The following ZNF347 variants were observed in gnomAD, a reference collection of about 807,000 sequenced individuals.
ZNF347 encodes the protein zinc finger protein 347.
In ZNF347, 19 loss-of-function variants were observed where a neutral mutation model predicts 12.9. That is an observed-to-expected ratio of 1.47 (90% CI 1.03 to 2.16). The LOEUF (loss-of-function observed/expected upper bound fraction) is 2.16, where lower values mean the gene tolerates loss of function less well. Among genes scored for constraint, ZNF347 ranks in the 30% most tolerant of loss-of-function variants. ZNF347 has a pLI of 0.00. For missense variants in ZNF347, 1,005 were observed against 990.6 expected (o/e 1.01, Z -0.19); for synonymous variants, 328 against 340.6 (o/e 0.96, Z 0.41).
chr19:53,156,228 G>A (rs1364102437), intron 1 of ZNF347, among the ~76,000 whole-genome samples: 1 of 152,022 alleles, frequency 6.6e-6, no homozygotes, highest in Non-Finnish European at 1.5e-5. Context: ...GCAAAACCTC[G>A]TCTCTACTAA....
chr19:53,145,286 T>C (rs112173546), intron 4 of ZNF347, among the ~76,000 whole-genome samples: 1,196 of 57,940 alleles, frequency 0.021, 21 homozygotes, highest in African/African-American at 0.068. Flanking sequence ...CAAGAGTCTG[T>C]CTAGAAAAAA....
In ZNF347 at chr19:53,140,182, G is replaced by T; in HGVS notation, c.*126C>A. On this transcript the variant is annotated 3_prime_UTR_variant, in exon 5 of 5. Coordinates refer to ENST00000334197, the MANE Select transcript of ZNF347 (RefSeq NM_032584.3). ...CCCAAAGTGTTGGGATTACAGGCAT[G>T]AGCCACTGCACCCAGCCAGTCATTG... 1 of 975,768 alleles carries T rather than the reference G, an allele frequency of 1.0e-6. No homozygotes were observed. The highest frequency in any genetic ancestry group is 1.5e-6 in the Non-Finnish European group (1 of 660,994). The allele number at this position is 975,768 out of a possible 1,614,324, so 60.4% of individuals were successfully genotyped here.
At chr19:53,152,030 T>C (rs954746755) in intron 2 of ZNF347, among the ~76,000 whole-genome samples, 6 of 144,566 alleles carry the variant, frequency 4.2e-5, no homozygotes, top group South Asian at 2.1e-4. Flanking sequence ...GAGGCAGAGA[T>C]TGCAGTGAGC....
intron 4 of ZNF347, among the ~76,000 whole-genome samples, chr19:53,144,731 C>A (rs990257249): frequency 1.3e-5 from 2 of 152,074 alleles, no homozygotes; most frequent in African/African-American, 4.8e-5. Context: ...GAACTTCTGG[C>A]CTTAAGCATT....
chr19:53,140,311 T>A lies in ZNF347; in HGVS notation c.2517A>T (p.Ser839=), dbSNP rs150797299. ...TCATTTGTAAGGTTTCTCTCCACTA[T>A]GAATTCTGTGATGGCTTGCAAGGTT... ...EFKPCKPSQN[S] The change falls in exon 5 of 5, where the codon TCA becomes TCT. Residue 839 remains serine (S), a synonymous_variant. Transcript: ENST00000334197. The A allele has an allele frequency of 1.3e-6, 2 of 1,541,578 alleles. No individual in the cohort carries two copies. Among genetic ancestry groups the A allele is most frequent in the East Asian group, 2.3e-5 (1 of 44,360 alleles).
intron 1 of ZNF347, among the ~76,000 whole-genome samples, chr19:53,155,407 A>C (rs961577791): frequency 4.2e-4 from 63 of 151,592 alleles, no homozygotes; most frequent in African/African-American, 1.4e-3. Flanking sequence ...AACATGGCTT[A>C]CTGCAGCCTC....
In ZNF347 at chr19:53,142,145, T is replaced by C; in HGVS notation, c.683A>G (p.Tyr228Cys). 6.2e-7 allele frequency: 1 copy of C among 1,614,060 alleles called. No homozygotes were observed. The highest frequency in any genetic ancestry group is 1.7e-5 in the Admixed American group (1 of 59,996). The change falls in exon 5 of 5, where the codon TAT becomes TGT. Residue 228 changes from tyrosine to cysteine, a missense_variant. Physicochemically the swap from Tyr to Cys is radical, Grantham distance 194. Coordinates refer to ENST00000334197, the MANE Select transcript of ZNF347 (RefSeq NM_032584.3). ...SSVSPPQQMP[Y>C]NVKTHISKKY... is the part of the protein sequence containing the mutation. ...CTTAGAAATGTGGGTTTTGACATTATAAGGCATTTGTTGAGGTGGTGAAAC... is the reference window on the plus strand; with the variant it reads ...CTTAGAAATGTGGGTTTTGACATTACAAGGCATTTGTTGAGGTGGTGAAAC...
rs748785148 is a variant in ZNF347, at chr19:53,138,680, GAAA to G, written c.*1625_*1627del. ...CAAAATTGTATGTTGATTCCACAAA[GAAA>G]AAAAAAATTGTTCTACATCCTCCAA... On this transcript the variant is annotated 3_prime_UTR_variant, in exon 5 of 5. Transcript: ENST00000334197. 2 of 148,966 alleles carry G rather than the reference GAAA, an allele frequency of 1.3e-5. No individual in the cohort carries two copies. Among genetic ancestry groups the G allele is most frequent in the Non-Finnish European group, 3.0e-5 (2 of 67,126 alleles). 9.2% of individuals were successfully genotyped at this position (148,966 alleles called of 1,614,324 possible).
rs950716951 is a variant in ZNF347, at chr19:53,136,585, AAAAAAG to A, written c.*3717_*3722del. 1 of 152,130 alleles carries A rather than the reference AAAAAAG, an allele frequency of 6.6e-6. No homozygotes were observed. The highest frequency in any genetic ancestry group is 1.5e-5 in the Non-Finnish European group (1 of 68,034). The allele number at this position is 152,130 out of a possible 1,614,324, so 9.4% of individuals were successfully genotyped here. On this transcript the variant is annotated 3_prime_UTR_variant, in exon 5 of 5. Coordinates refer to ENST00000334197, the MANE Select transcript of ZNF347 (RefSeq NM_032584.3). The stretch of plus-strand genomic sequence containing the variant: ...CCACGTCTAAAAAGAAAAAGAAAAA[AAAAAAG>A]AAAAGAAGCTATGGAGAATATGTTA...
Position 53,140,864 on chromosome 19 carries a change from C to T in ZNF347, c.1964G>A (p.Cys655Tyr). 1.2e-6 allele frequency: 2 copies of T among 1,613,656 alleles called. No homozygotes were observed. Among genetic ancestry groups the T allele is most frequent in the Non-Finnish European group, 1.7e-6 (2 of 1,179,806 alleles). ...VIHTGEKPYK[C>Y]NECGKVFTQN... The stretch of plus-strand genomic sequence containing the variant: ...AGTGAAGACCTTGCCACACTCATTA[C>T]ATTTGTAAGGTTTTTCACCAGTATG... Residue 655 changes from cysteine to tyrosine, a missense_variant, in exon 5 of 5, where the codon TGT (cysteine) becomes TAT (tyrosine). Physicochemically the swap from Cys to Tyr is radical, Grantham distance 194. Coordinates refer to ENST00000334197, the MANE Select transcript of ZNF347 (RefSeq NM_032584.3).
At position 53,142,519 on chromosome 19, in the gene ZNF347, GTGT is replaced by G. The variant is rs1477353327; in HGVS notation, c.306_308del (p.His103del). On this transcript the variant is annotated inframe_deletion, in exon 5 of 5. Transcript: ENST00000334197. ...CTTCTCCTGTATTACTCTTCCCTTT[GTGT>G]AGTAAATCTTTCATTACAAATTCGG... 6 of 1,604,734 alleles carry G rather than the reference GTGT, an allele frequency of 3.7e-6. No individual in the cohort carries two copies.
Position 53,135,881 on chromosome 19 carries a change from C to T in ZNF347, c.*4427G>A, listed in dbSNP as rs919277787. 1 of 151,850 alleles carries T rather than the reference C, an allele frequency of 6.6e-6. No individual in the cohort carries two copies. Among genetic ancestry groups the T allele is most frequent in the Non-Finnish European group, 1.5e-5 (1 of 67,972 alleles). 9.4% of individuals were successfully genotyped at this position (151,850 alleles called of 1,614,324 possible). Reference sequence around the variant, plus strand: ...ATATATCAGTTTTTTAAAATGGAAACAAATCTAAGGGGAGTATATTAAATG... The same window carrying T: ...ATATATCAGTTTTTTAAAATGGAAATAAATCTAAGGGGAGTATATTAAATG... On this transcript the variant is annotated 3_prime_UTR_variant, in exon 5 of 5. Transcript: ENST00000334197.
At chr19:53,152,006 T>C in intron 2 of ZNF347, among the ~76,000 whole-genome samples, 1 of 145,558 alleles carries the variant, frequency 6.9e-6, no homozygotes, top group Non-Finnish European at 1.5e-5. Context: ...GGCAGGAGAA[T>C]CGCTTGAACC....
intron 4 of ZNF347, among the ~76,000 whole-genome samples, chr19:53,144,572 T>A (rs2090450830): frequency 6.6e-6 from 1 of 151,948 alleles, no homozygotes; most frequent in Non-Finnish European, 1.5e-5. Flanking sequence ...AAAAAAAAAA[T>A]TAGAGTTAAA....
rs1052755345 is a variant in ZNF347, at chr19:53,135,700, T to C, written c.*4608A>G. On this transcript the variant is annotated 3_prime_UTR_variant, in exon 5 of 5. Coordinates refer to ENST00000334197, the MANE Select transcript of ZNF347 (RefSeq NM_032584.3). ...ATTTGATTATTTTGCTTATCTGTCCTAAGTTTCCTCACCTCTGAAATGAGA... is the reference window on the plus strand; with the variant it reads ...ATTTGATTATTTTGCTTATCTGTCCCAAGTTTCCTCACCTCTGAAATGAGA... The C allele has an allele frequency of 5.3e-5, 8 of 152,274 alleles. No homozygotes were observed. In the East Asian group the frequency reaches 1.4e-3, roughly 26 times the overall value. 9.4% of individuals were successfully genotyped at this position (152,274 alleles called of 1,614,324 possible).
In ZNF347 at chr19:53,139,129, A is replaced by T. The variant is rs2090403458; in HGVS notation, c.*1179T>A. On this transcript the variant is annotated 3_prime_UTR_variant, in exon 5 of 5. Transcript: ENST00000334197. Reference sequence around the variant, plus strand: ...ACTAATAACTTATTACTCTCCTCTCATAAAAATTCCAGTGTCCTGAGGTCT... The same window carrying T: ...ACTAATAACTTATTACTCTCCTCTCTTAAAAATTCCAGTGTCCTGAGGTCT... 2 of 152,144 alleles carry T rather than the reference A, an allele frequency of 1.3e-5. No individual in the cohort carries two copies. Among genetic ancestry groups the T allele is most frequent in the Non-Finnish European group, 1.5e-5 (1 of 68,026 alleles). 9.4% of individuals were successfully genotyped at this position (152,144 alleles called of 1,614,324 possible).
In ZNF347 at chr19:53,149,300, G is replaced by C. The variant is rs1311085821; in HGVS notation, c.83C>G (p.Ala28Gly). ...CACGTCCCTGTACAAAGTCCTCTGAGCGGGGTCCAGGCATGTCCACTCCTC... is the reference window on the plus strand; with the variant it reads ...CACGTCCCTGTACAAAGTCCTCTGACCGGGGTCCAGGCATGTCCACTCCTC... ...SQEEWTCLDP[A>G]QRTLYRDVML... Residue 28 changes from alanine to glycine, a missense_variant, in exon 3 of 5, where the codon GCT becomes GGT. By Grantham distance (60) the Ala-to-Gly change is moderately conservative. Transcript: ENST00000334197. 1.2e-6 allele frequency: 2 copies of C among 1,614,046 alleles called. No homozygotes were observed. The highest frequency in any genetic ancestry group is 2.7e-5 in the African/African-American group (2 of 75,004).
intron 2 of ZNF347, among the ~76,000 whole-genome samples, chr19:53,152,655 G>A (rs2090506089): frequency 1.3e-5 from 2 of 151,880 alleles, no homozygotes; most frequent in Non-Finnish European, 2.9e-5. Context: ...AACAGGCCGG[G>A]CGCAGTGGCT....
chr19:53,143,242 T>G (rs964950995), intron 4 of ZNF347, among the ~76,000 whole-genome samples: 3 of 152,140 alleles, frequency 2.0e-5, no homozygotes, highest in African/African-American at 4.8e-5. Context: ...TATTTTTTAT[T>G]ATACTTTAAG....
Sources: allele counts gnomAD v4.1 joint callset (sites outside exome capture counted in the v4.1 genomes callset), GRCh38; gene constraint gnomAD v4.1.1; transcripts MANE v1.5; gene names NCBI Gene and HGNC (gene_info 2026-07-23, HGNC 2026-07-21).